Variants in SOS2 observed in about 807,000 individuals in gnomAD.
The protein encoded by SOS2 is son of sevenless homolog 2.
A neutral mutation model predicts 148.2 loss-of-function variants in SOS2; 65 were observed. The observed-to-expected ratio is 0.44, with a 90% confidence interval of 0.36 to 0.54. The LOEUF is 0.54. Among genes scored for constraint, SOS2 ranks in the 20% least tolerant of loss-of-function variants. The pLI is 0.00. For synonymous variants in SOS2, 539 were observed against 537.1 expected, an observed-to-expected ratio of 1.00 and a Z score of -0.05; for missense variants, 1,341 against 1,590.2, an observed-to-expected ratio of 0.84 and a Z score of 2.67.
intron 1 of SOS2, among the ~76,000 whole-genome samples, chr14:50,222,419 G>T (rs555965132): frequency 6.6e-6 from 1 of 152,196 alleles, no homozygotes; most frequent in South Asian, 2.1e-4. Context: ...TCTGGCTTGA[G>T]AACTGGATAC....
rs1440137815 is a variant in SOS2 at position 50,121,529 on chromosome 14, G to C, written c.3380-1145C>G. 1.6e-3 allele frequency among the ~76,000 whole-genome samples: 17 copies of C among 10,836 alleles called. 1 individual carries two copies. Among genetic ancestry groups the C allele is most frequent in the African/African-American group, 2.5e-3 (17 of 6,798 alleles). The allele number at this position is 10,836 out of a possible 152,430, so 7.1% of individuals were successfully genotyped here. On this transcript the variant is annotated intron_variant, in intron 21 of 22. Transcript: ENST00000216373. ...TGTGGCTCTGCAGTTACTTCCTGGG[G>C]GAGGGGGGGGAGTCCTGTTGACTCA...
At chr14:50,142,602 A>G (rs1447830277) in intron 16 of SOS2, among the ~76,000 whole-genome samples, 1 of 152,234 alleles carries the variant, frequency 6.6e-6, no homozygotes, top group Non-Finnish European at 1.5e-5. Flanking sequence ...CCCCTGCTGA[A>G]ATATCACAAA....
chr14:50,209,110 G>A lies in SOS2; in HGVS notation c.88-4701C>T, dbSNP rs142197949. 1.9e-3 allele frequency among the ~76,000 whole-genome samples: 284 copies of A among 152,304 alleles called. 4 individuals carry two copies. The highest frequency in any genetic ancestry group is 0.015 in the Admixed American group (235 of 15,294). On this transcript the variant is annotated intron_variant, in intron 1 of 22. Transcript: ENST00000216373. Reference sequence around the variant, plus strand: ...CTGGGACACCGGTCTTCTGCCTTCAGACTGATACTCAGACTGGAATTTATA... The same window carrying A: ...CTGGGACACCGGTCTTCTGCCTTCAAACTGATACTCAGACTGGAATTTATA...
At chr14:50,151,015 G>A (rs1248937551) in intron 13 of SOS2, among the ~76,000 whole-genome samples, 2 of 151,954 alleles carry the variant, frequency 1.3e-5, no homozygotes, top group Non-Finnish European at 2.9e-5. Context: ...GAGCCACCGC[G>A]CCTGGCCTAA....
intron 1 of SOS2, among the ~76,000 whole-genome samples, chr14:50,219,192 T>C (rs1246348239): frequency 6.6e-6 from 1 of 152,166 alleles, no homozygotes; most frequent in Non-Finnish European, 1.5e-5. Context: ...CCATTCTTTG[T>C]ATTGAAACAT....
At chr14:50,123,841 G>A (rs1206462305) in intron 21 of SOS2, among the ~76,000 whole-genome samples, 1 of 152,206 alleles carries the variant, frequency 6.6e-6, no homozygotes, top group African/African-American at 2.4e-5. Flanking sequence ...TTGGACCAGG[G>A]TGGCAGCAGT....
At chr14:50,195,425 G>A (rs548476835) in intron 4 of SOS2, among the ~76,000 whole-genome samples, 1 of 152,058 alleles carries the variant, frequency 6.6e-6, no homozygotes, top group African/African-American at 2.4e-5. Context: ...GAAGATTTAG[G>A]ACATGGAAAA....
At chr14:50,216,494 C>G (rs963419753) in intron 1 of SOS2, among the ~76,000 whole-genome samples, 6 of 152,076 alleles carry the variant, frequency 3.9e-5, no homozygotes, top group African/African-American at 1.4e-4. Context: ...CAAGGTTGCT[C>G]ACACCTGTAA....
chr14:50,182,901 C>A (rs867327475), intron 5 of SOS2, among the ~76,000 whole-genome samples: 1 of 152,154 alleles, frequency 6.6e-6, no homozygotes, highest in Non-Finnish European at 1.5e-5. Flanking sequence ...GGGTGGTACT[C>A]GTTTTCTACA....
At position 50,130,643 on chromosome 14, in the gene SOS2, T is replaced by G. The variant is rs2139512774; in HGVS notation, c.3195A>C (p.Lys1065Asn). 1.2e-6 allele frequency: 2 copies of G among 1,614,186 alleles called. No individual in the cohort carries two copies. The highest frequency in any genetic ancestry group is 1.7e-6 in the Non-Finnish European group (2 of 1,180,022). ...TTTCAGCAATCCGACTAAAGCTTAT[T>G]TTACATGGTTCTCTTTCTAATGGTG... ...HPTPLEREPC[K>N]ISFSRIAETE... is the part of the protein sequence containing the mutation. The change falls in exon 20 of 23, where the codon AAA (lysine) becomes AAC (asparagine). Residue 1065 changes from lysine (K) to asparagine (N), a missense_variant. This residue lies in a region of SOS2 where 354 missense variants were observed against 347.7 expected (regional missense o/e 1.02). Coordinates refer to ENST00000216373, the MANE Select transcript of SOS2 (RefSeq NM_006939.4).
intron 16 of SOS2, among the ~76,000 whole-genome samples, chr14:50,144,197 T>C (rs1566825195): frequency 1.3e-5 from 2 of 152,022 alleles, no homozygotes; most frequent in Non-Finnish European, 2.9e-5. Context: ...CAATCTACTG[T>C]TGGAATAAAT....
At chr14:50,120,736 C>CTTTTT (rs34012845) in intron 21 of SOS2, among the ~76,000 whole-genome samples, 12 of 107,494 alleles carry the variant, frequency 1.1e-4, no homozygotes, top group South Asian at 3.4e-4. Context: ...AATCAGAGAC[C>CTTTTT]TTTTTTTTTT....
At chr14:50,179,358 C>T (rs1390481828) in intron 7 of SOS2, among the ~76,000 whole-genome samples, 2 of 152,052 alleles carry the variant, frequency 1.3e-5, no homozygotes, top group South Asian at 2.1e-4. Context: ...CATATTCAAA[C>T]GTCAAGGGGT....
chr14:50,155,139 G>A (rs1214593296), intron 12 of SOS2, among the ~76,000 whole-genome samples: 1 of 151,812 alleles, frequency 6.6e-6, no homozygotes, highest in African/African-American at 2.4e-5. Context: ...TCTAGGTGGT[G>A]GGTTTATGGG....
intron 14 of SOS2, among the ~76,000 whole-genome samples, chr14:50,147,420 G>C (rs576304977): frequency 6.6e-6 from 1 of 151,144 alleles, no homozygotes; most frequent in South Asian, 2.1e-4. Flanking sequence ...GCTGAGGCAG[G>C]AGGATTGCTT....
chr14:50,168,797 C>T (rs1885262866), intron 8 of SOS2, among the ~76,000 whole-genome samples: 1 of 152,160 alleles, frequency 6.6e-6, no homozygotes, highest in African/African-American at 2.4e-5. Context: ...AAGGTTATTA[C>T]ATCCCTTTAG....
chr14:50,203,591 GAT>G (rs5808542), intron 2 of SOS2, among the ~76,000 whole-genome samples: 130,379 of 149,758 alleles, frequency 0.87, 56,760 homozygotes, highest in East Asian at 0.91. Flanking sequence ...CAGTTTTTCA[GAT>G]ATATATATAT....
intron 3 of SOS2, among the ~76,000 whole-genome samples, chr14:50,200,485 ATGAC>A (rs1417853901): frequency 6.6e-6 from 1 of 152,150 alleles, no homozygotes; most frequent in Non-Finnish European, 1.5e-5. Context: ...TAATCAACAA[ATGAC>A]TGAGAATCAT....
intron 1 of SOS2, among the ~76,000 whole-genome samples, chr14:50,229,029 A>T (rs145950884): frequency 3.9e-5 from 6 of 152,026 alleles, no homozygotes; most frequent in Admixed American, 3.9e-4. Context: ...GAAGACAGAG[A>T]CTCCCCCAAA....
Sources: allele counts gnomAD v4.1 joint callset (sites outside exome capture counted in the v4.1 genomes callset), GRCh38; gene constraint gnomAD v4.1.1; regional missense constraint gnomAD v4.1.1; transcripts MANE v1.5; gene names NCBI Gene and HGNC (gene_info 2026-07-23, HGNC 2026-07-21).